SMIM41: variants seen among roughly 807,000 people sequenced by gnomAD.
SMIM41 encodes the protein small integral membrane protein 41.
chr12:52,087,273 G>A (rs1486807989), intron 2 of SMIM41, among the ~76,000 whole-genome samples: 5 of 152,186 alleles, frequency 3.3e-5, no homozygotes, highest in African/African-American at 9.7e-5. Flanking sequence ...TGGCTGTCAC[G>A]TCCAAGCATA....
chr12:52,101,487 G>A (rs1386744067), intron 2 of SMIM41, among the ~76,000 whole-genome samples: 1 of 152,194 alleles, frequency 6.6e-6, no homozygotes, highest in African/African-American at 2.4e-5. Flanking sequence ...GCAGACGCTA[G>A]GAAGAAAAGG....
At chr12:52,091,065 G>A (rs1430457796) in intron 2 of SMIM41, among the ~76,000 whole-genome samples, 1 of 152,174 alleles carries the variant, frequency 6.6e-6, no homozygotes. Context: ...AGGCTGGAGT[G>A]CAGTGGCACA....
At chr12:52,105,795 T>C (rs530811798) in intron 2 of SMIM41, among the ~76,000 whole-genome samples, 1 of 152,204 alleles carries the variant, frequency 6.6e-6, no homozygotes, top group East Asian at 1.9e-4. Flanking sequence ...CCCACAACTT[T>C]TTGAGAGTTG....
At chr12:52,099,029 A>G (rs1940163090) in intron 2 of SMIM41, among the ~76,000 whole-genome samples, 1 of 151,962 alleles carries the variant, frequency 6.6e-6, no homozygotes, top group South Asian at 2.1e-4. Context: ...TCTGGATATT[A>G]GGAAGAGTAT....
chr12:52,082,287 G>A lies in SMIM41; in HGVS notation c.*121-1607G>A, dbSNP rs114924842. Among the ~76,000 whole-genome samples, 769 of 152,292 alleles carry A rather than the reference G, an allele frequency of 5.0e-3. 5 individuals carry two copies. The highest frequency in any genetic ancestry group is 0.015 in the African/African-American group (639 of 41,542). Reference sequence around the variant, plus strand: ...GTGTGAGGGTGTAGAGTGATTTGGTGCCGGGAAGGGCTGTGCCCCCAGCAT... The same window carrying A: ...GTGTGAGGGTGTAGAGTGATTTGGTACCGGGAAGGGCTGTGCCCCCAGCAT... On this transcript the variant is annotated intron_variant, in intron 1 of 2. Coordinates refer to ENST00000546390, the MANE Select transcript of SMIM41 (RefSeq NM_001369216.1).
At chr12:52,098,726 C>A (rs940948894) in intron 2 of SMIM41, among the ~76,000 whole-genome samples, 67 of 89,266 alleles carry the variant, frequency 7.5e-4, no homozygotes, top group African/African-American at 3.5e-3. Context: ...ATATTAGGAA[C>A]AATATCACGG....
At chr12:52,082,307 C>T (rs1193374615) in intron 1 of SMIM41, among the ~76,000 whole-genome samples, 1 of 152,230 alleles carries the variant, frequency 6.6e-6, no homozygotes, top group Non-Finnish European at 1.5e-5. Context: ...GCTGTGCCCC[C>T]AGCATCATCG....
chr12:52,080,393 C>T (rs1592320258), intron 1 of SMIM41, among the ~76,000 whole-genome samples: 1 of 152,204 alleles, frequency 6.6e-6, no homozygotes, highest in African/African-American at 2.4e-5. Context: ...CGCCCCGCCC[C>T]GGATTGTGTC....
intron 2 of SMIM41, among the ~76,000 whole-genome samples, chr12:52,105,536 A>G (rs1940317820): frequency 6.6e-6 from 1 of 152,158 alleles, no homozygotes; most frequent in African/African-American, 2.4e-5. Context: ...GCGAATCACA[A>G]GTTCAGGTGT....
At chr12:52,101,683 C>T (rs1940219180) in intron 2 of SMIM41, among the ~76,000 whole-genome samples, 1 of 152,046 alleles carries the variant, frequency 6.6e-6, no homozygotes, top group African/African-American at 2.4e-5. Context: ...AAGCTCTTCT[C>T]TTTCTGCTCT....
intron 2 of SMIM41, among the ~76,000 whole-genome samples, chr12:52,094,014 C>T (rs1940047469): frequency 6.6e-6 from 1 of 151,296 alleles, no homozygotes; most frequent in African/African-American, 2.4e-5. Flanking sequence ...GCCTCTAATC[C>T]CAGCTACTCG....
chr12:52,085,834 C>T (rs996474976), intron 2 of SMIM41, among the ~76,000 whole-genome samples: 4 of 152,148 alleles, frequency 2.6e-5, no homozygotes, highest in Non-Finnish European at 4.4e-5. Context: ...TTGGGGTGAA[C>T]AGATGCTGGG....
chr12:52,095,015 C>T (rs774529468), intron 2 of SMIM41, among the ~76,000 whole-genome samples: 4 of 150,620 alleles, frequency 2.7e-5, no homozygotes, highest in East Asian at 1.9e-4. Flanking sequence ...GTGTGATCTC[C>T]GCTCACTGCA....
intron 1 of SMIM41, 92 bp from the exon 2 acceptor site, chr12:52,083,802 A>T (rs1166983814): frequency 2.0e-5 from 3 of 152,248 alleles, no homozygotes; most frequent in Non-Finnish European, 4.4e-5. Context: ...TCATTGATCA[A>T]ATAGGTAACA....
At chr12:52,105,784 T>C (rs1940326295) in intron 2 of SMIM41, among the ~76,000 whole-genome samples, 1 of 150,162 alleles carries the variant, frequency 6.7e-6, no homozygotes, top group South Asian at 2.1e-4. Context: ...AAAAAAAAAC[T>C]CCCACAACTT....
intron 2 of SMIM41, among the ~76,000 whole-genome samples, chr12:52,084,373 CA>C (rs1221772416): frequency 0.022 from 1,681 of 77,952 alleles, 29 homozygotes; most frequent in African/African-American, 0.071. Context: ...ACATCAACCA[CA>C]AAAAAAAAAA....
At chr12:52,104,683 C>T (rs1026274135) in intron 2 of SMIM41, among the ~76,000 whole-genome samples, 12 of 148,170 alleles carry the variant, frequency 8.1e-5, no homozygotes, top group African/African-American at 1.8e-4. Flanking sequence ...CGGGGGGGGG[C>T]GGTCTCAGAA....
chr12:52,085,650 T>A (rs1215048392), intron 2 of SMIM41, among the ~76,000 whole-genome samples: 1 of 150,930 alleles, frequency 6.6e-6, no homozygotes, highest in African/African-American at 2.4e-5. Flanking sequence ...TTGCTGCTAT[T>A]GGGCCTGTTT....
At chr12:52,094,066 G>A (rs892108859) in intron 2 of SMIM41, among the ~76,000 whole-genome samples, 1 of 147,744 alleles carries the variant, frequency 6.8e-6, no homozygotes, top group Non-Finnish European at 1.5e-5. Context: ...GGAAGGCGTA[G>A]GTTGCAGTGA....
Sources: allele counts gnomAD v4.1 joint callset (sites outside exome capture counted in the v4.1 genomes callset), GRCh38; gene constraint gnomAD v4.1.1; transcripts MANE v1.5; gene names NCBI Gene and HGNC (gene_info 2026-07-23, HGNC 2026-07-21).